Variants in FTO observed in about 807,000 individuals in gnomAD.
FTO encodes the protein alpha-ketoglutarate-dependent dioxygenase FTO.
Under a neutral mutation model 63.9 loss-of-function variants are expected in FTO, and 47 were observed. The observed-to-expected ratio is 0.74, with a 90% CI of 0.58 to 0.94. The LOEUF is 0.94. Among genes scored for constraint, FTO ranks in the 40% least tolerant of loss-of-function variants. The pLI is 0.00. For synonymous variants in FTO, 207 were observed against 224.4 expected (o/e 0.92, Z 0.69); for missense variants, 562 against 618.1 (o/e 0.91, Z 0.96).
chr16:53,722,320 C>T (rs2076060032), intron 1 of FTO, among the ~76,000 whole-genome samples: 1 of 152,008 alleles, frequency 6.6e-6, no homozygotes, highest in Non-Finnish European at 1.5e-5. Flanking sequence ...ATTATAAGAT[C>T]CCTCTGGCTG....
intron 7 of FTO, among the ~76,000 whole-genome samples, chr16:53,915,938 G>A (rs2081854089): frequency 6.6e-6 from 1 of 152,214 alleles, no homozygotes; most frequent in Non-Finnish European, 1.5e-5. Flanking sequence ...GAGTTAAGTA[G>A]GAATTCATGC....
intron 8 of FTO, among the ~76,000 whole-genome samples, chr16:54,034,749 A>G (rs549023882): frequency 1.9e-4 from 29 of 152,220 alleles, no homozygotes; most frequent in African/African-American, 7.0e-4. Flanking sequence ...ACATTTGCAC[A>G]TAAGTTAGCT....
chr16:53,948,746 CAT>C (rs1226543922), intron 8 of FTO, among the ~76,000 whole-genome samples: 3 of 152,338 alleles, frequency 2.0e-5, no homozygotes, highest in Admixed American at 6.5e-5. Context: ...CTAATCAAAA[CAT>C]GTGTGGAGCC....
chr16:53,757,882 A>G (rs2076960194), intron 1 of FTO, among the ~76,000 whole-genome samples: 1 of 152,290 alleles, frequency 6.6e-6, no homozygotes, highest in East Asian at 1.9e-4. Context: ...GTTGAGTGCT[A>G]TCTGTTTTCT....
At chr16:53,829,922 AT>A (rs2079100724) in intron 3 of FTO, among the ~76,000 whole-genome samples, 1 of 151,296 alleles carries the variant, frequency 6.6e-6, no homozygotes, top group Non-Finnish European at 1.5e-5. Context: ...AAGAGCAGGG[AT>A]TTAAGTTGGA....
chr16:53,863,989 A>G (rs1292910243), intron 4 of FTO, among the ~76,000 whole-genome samples: 2 of 152,136 alleles, frequency 1.3e-5, no homozygotes, highest in African/African-American at 4.8e-5. Flanking sequence ...TTTATGTTCC[A>G]TTGATTGTCT....
chr16:53,812,195 A>G (rs2078548037), intron 2 of FTO, among the ~76,000 whole-genome samples: 1 of 151,502 alleles, frequency 6.6e-6, no homozygotes, highest in African/African-American at 2.4e-5. Flanking sequence ...CTTCCCTGAC[A>G]CCTCTACAAC....
intron 2 of FTO, among the ~76,000 whole-genome samples, chr16:53,824,349 G>T (rs1213760393): frequency 1.3e-5 from 2 of 152,138 alleles, no homozygotes; most frequent in Admixed American, 6.5e-5. Flanking sequence ...GGCTTCTCTG[G>T]TCTGTCTTTC....
intron 1 of FTO, among the ~76,000 whole-genome samples, chr16:53,759,710 A>AAAAAAAG (rs1567962140): frequency 3.1e-5 from 4 of 128,800 alleles, no homozygotes; most frequent in East Asian, 2.3e-4. Flanking sequence ...AAAAAAAAAA[A>AAAAAAAG]AAAAAAGAAA....
intron 2 of FTO, among the ~76,000 whole-genome samples, chr16:53,817,706 C>T (rs1479521343): frequency 6.6e-6 from 1 of 152,074 alleles, no homozygotes; most frequent in Non-Finnish European, 1.5e-5. Context: ...TCAGAAGCAT[C>T]TCTTGATATG....
intron 8 of FTO, among the ~76,000 whole-genome samples, chr16:54,088,825 G>A (rs572554085): frequency 6.6e-5 from 10 of 152,262 alleles, no homozygotes; most frequent in South Asian, 6.2e-4. Flanking sequence ...TCATAGTAGC[G>A]TCCTTCCACA....
At chr16:53,919,142 AC>A (rs2081952136) in intron 7 of FTO, among the ~76,000 whole-genome samples, 1 of 152,120 alleles carries the variant, frequency 6.6e-6, no homozygotes. Flanking sequence ...AAATTACTTA[AC>A]CTTTCTGAGT....
chr16:53,899,029 G>A (rs146850373), intron 7 of FTO, among the ~76,000 whole-genome samples: 1 of 152,000 alleles, frequency 6.6e-6, no homozygotes, highest in Non-Finnish European at 1.5e-5. Context: ...CTTATTACCT[G>A]CTTCACAGGA....
At chr16:53,962,537 G>T (rs2083105800) in intron 8 of FTO, among the ~76,000 whole-genome samples, 1 of 152,146 alleles carries the variant, frequency 6.6e-6, no homozygotes, top group Non-Finnish European at 1.5e-5. Context: ...AGAGACATGG[G>T]GTTTTGTTAT....
At chr16:53,936,574 T>C (rs1016581002) in intron 8 of FTO, among the ~76,000 whole-genome samples, 1 of 152,202 alleles carries the variant, frequency 6.6e-6, no homozygotes, top group Non-Finnish European at 1.5e-5. Flanking sequence ...CTGCAGTGCT[T>C]ACTAAGCAGC....
At chr16:54,077,313 G>A (rs1241746353) in intron 8 of FTO, among the ~76,000 whole-genome samples, 1 of 152,166 alleles carries the variant, frequency 6.6e-6, no homozygotes, top group African/African-American at 2.4e-5. Flanking sequence ...ATGCCAAAGC[G>A]GCCTTTGGGG....
chr16:53,931,323 T>TA (rs2082278024), intron 7 of FTO, among the ~76,000 whole-genome samples: 1 of 119,246 alleles, frequency 8.4e-6, no homozygotes, highest in African/African-American at 3.2e-5. Flanking sequence ...TTTTTTTTTT[T>TA]AAGACAGAGG....
chr16:54,031,220 A>G (rs1219593424), intron 8 of FTO, among the ~76,000 whole-genome samples: 2 of 152,180 alleles, frequency 1.3e-5, no homozygotes, highest in East Asian at 1.9e-4. Flanking sequence ...TAGGGAAAAA[A>G]TGGATTTTTT....
At chr16:53,818,641 C>G (rs1027075961) in intron 2 of FTO, among the ~76,000 whole-genome samples, 1 of 149,602 alleles carries the variant, frequency 6.7e-6, no homozygotes, top group Non-Finnish European at 1.5e-5. Flanking sequence ...TTTTGGCTAT[C>G]TTTTTATCCA....
Sources: gnomAD v4.1 joint callset for allele counts (sites outside exome capture counted in the v4.1 genomes callset) on GRCh38, gnomAD v4.1.1 for gene constraint, MANE v1.5 for transcripts, NCBI Gene and HGNC (gene_info 2026-07-23, HGNC 2026-07-21) for gene names.